Variants in CAPS2 observed in about 807,000 individuals in gnomAD.
CAPS2 encodes calcyphosine 2.
Under a neutral mutation model 86.5 loss-of-function variants are expected in CAPS2, and 98 were observed. That is an observed-to-expected ratio of 1.13 (90% CI 0.96 to 1.34). The LOEUF (loss-of-function observed/expected upper bound fraction) is 1.34. Among genes scored for constraint, CAPS2 ranks in the 40% most tolerant of loss-of-function variants. CAPS2 has a pLI of 0.00. For missense variants in CAPS2, 729 were observed against 686.8 expected, an observed-to-expected ratio of 1.06 and a Z score of -0.69; for synonymous variants, 210 against 225.1, an observed-to-expected ratio of 0.93 and a Z score of 0.60.
intron 8 of CAPS2, among the ~76,000 whole-genome samples, chr12:75,300,555 C>CAAAAAA (rs60853698): frequency 1.7e-4 from 14 of 83,022 alleles, no homozygotes; most frequent in East Asian, 3.6e-4. Flanking sequence ...GACTCCGTCT[C>CAAAAAA]AAAAAAAAAA....
chr12:75,316,512 A>T (rs1455696010), intron 5 of CAPS2, 78 bp from the exon 6 acceptor site: 1 of 1,249,772 alleles, frequency 8.0e-7, no homozygotes, highest in Non-Finnish European at 1.1e-6. Flanking sequence ...GGAATAGATA[A>T]CTACGGAATA....
intron 6 of CAPS2, 111 bp downstream of exon 6, chr12:75,316,201 C>A: frequency 1.5e-6 from 2 of 1,324,574 alleles, no homozygotes; most frequent in Admixed American, 2.4e-5. Flanking sequence ...TGAATATTCA[C>A]CCGAGTTCAA....
In CAPS2 at chr12:75,285,114, A is replaced by G. The variant is rs771608862; in HGVS notation, c.1396-34T>C. The G allele has an allele frequency of 6.4e-5, 102 of 1,595,946 alleles. 3 individuals carry two copies. The South Asian group carries it at 1.1e-3, about 18-fold the overall frequency. On this transcript the variant is annotated intron_variant, in intron 14 of 16. Transcript: ENST00000393284. ...AATCAGAGATAACTGTTGCATTTTT[A>G]AGTTACATATCGTCACAACAAAATC... is the stretch of plus-strand genomic sequence containing the variant.
At chr12:75,386,046 A>G (rs2045274228) in intron 1 of CAPS2, among the ~76,000 whole-genome samples, 1 of 152,226 alleles carries the variant, frequency 6.6e-6, no homozygotes. Flanking sequence ...TGTTCATAAT[A>G]GAATGAACAA....
chr12:75,290,924 AAAAAAAAAAAC>A (rs2035729397), intron 13 of CAPS2, among the ~76,000 whole-genome samples: 1 of 95,962 alleles, frequency 1.0e-5, no homozygotes, highest in African/African-American at 3.4e-5. Flanking sequence ...GCTCTCTCTC[AAAAAAAAAAAC>A]AAAAAAAAAA....
At chr12:75,278,967 A>G in exon 17 of CAPS2, 1 of 1,611,310 alleles carries the variant, frequency 6.2e-7, no homozygotes, top group South Asian at 1.1e-5. Context: ...CCTTCATAGT[A>G]ATCTTCAAAT....
At chr12:75,390,844 C>T in exon 1 of CAPS2, 1 of 649,286 alleles carries the variant, frequency 1.5e-6, no homozygotes, top group South Asian at 1.5e-5. Flanking sequence ...TCACGTAACA[C>T]AAGTCTTTCT....
At chr12:75,316,391 A>G in exon 6 of CAPS2, 1 of 1,551,052 alleles carries the variant, frequency 6.4e-7, no homozygotes, top group Non-Finnish European at 8.7e-7. Flanking sequence ...TTTCCTATCC[A>G]GAGTCGTAAG....
intron 1 of CAPS2, among the ~76,000 whole-genome samples, chr12:75,353,022 A>T (rs2042915525): frequency 6.6e-6 from 1 of 152,198 alleles, no homozygotes; most frequent in Admixed American, 6.5e-5. Flanking sequence ...TTATAGTGCT[A>T]AATGCTCACA....
In CAPS2 at chr12:75,343,001, C is replaced by A. The variant is rs1000472776; in HGVS notation, c.-394-19779G>T. Among the ~76,000 whole-genome samples, 14 of 151,724 alleles carry A rather than the reference C, an allele frequency of 9.2e-5. No individual in the cohort carries two copies. The South Asian group carries it at 2.5e-3, about 27-fold the overall frequency. ...TCCTTGTATCTTTCAACTTTGATAA[C>A]TTCATTTATTTTTATAGTATTGTTT... On this transcript the variant is annotated intron_variant, in intron 1 of 5. Transcript: ENST00000551829.
chr12:75,333,597 T>C (rs2041494912), upstream of CAPS2, among the ~76,000 whole-genome samples: 1 of 152,174 alleles, frequency 6.6e-6, no homozygotes, highest in South Asian at 2.1e-4. Context: ...TATTGCCCAG[T>C]AGAATTTCCA....
chr12:75,282,131 C>A (rs923553452), intron 16 of CAPS2, 120 bp downstream of exon 16: 3 of 666,848 alleles, frequency 4.5e-6, no homozygotes, highest in Non-Finnish European at 8.0e-6. Flanking sequence ...GTTTCCAGTT[C>A]AAAAAAATAG....
rs1414594604 is a variant in CAPS2 at position 75,325,225 on chromosome 12, G to GAAACGTAAT, written c.131+13_131+14insATTACGTTT. 3.2e-6 allele frequency: 5 copies of GAAACGTAAT among 1,547,584 alleles called. No homozygotes were observed. The East Asian group carries it at 1.2e-4, about 38-fold the overall frequency. On this transcript the variant is annotated intron_variant, in intron 2 of 16. Coordinates refer to ENST00000393284, the Ensembl canonical transcript of CAPS2. ...GCCCATTAAACAGTCCAAATGTGAA[G>GAAACGTAAT]AAACGTAACTTACACTGGTGGGCAA...
At chr12:75,276,344 C>T, downstream of CAPS2, 1 of 1,462,818 alleles carries the variant, frequency 6.8e-7, no homozygotes, top group Non-Finnish European at 9.0e-7. Context: ...CTGCAGTAAA[C>T]ATAGCCTAAT....
chr12:75,284,935 T>C (rs757338387), intron 15 of CAPS2, 26 bp downstream of exon 15: 2 of 1,568,794 alleles, frequency 1.3e-6, no homozygotes, highest in South Asian at 1.2e-5. Flanking sequence ...AAAATAACAA[T>C]TTGAAAGATT....
intron 1 of CAPS2, among the ~76,000 whole-genome samples, chr12:75,352,682 C>T (rs2042892035): frequency 6.6e-6 from 1 of 152,174 alleles, no homozygotes. Flanking sequence ...CTCTCCACCC[C>T]AAAACAACAG....
In CAPS2 at chr12:75,353,895, T is replaced by C. The variant is rs141714355; in HGVS notation, c.-394-30673A>G. On this transcript the variant is annotated intron_variant, in intron 1 of 5. Transcript: ENST00000551829. Reference sequence around the variant, plus strand: ...ATCAGAACTAAAGACAAAAACCATATGATTATCTCAATAGATGCCAAAAGG... The same window carrying C: ...ATCAGAACTAAAGACAAAAACCATACGATTATCTCAATAGATGCCAAAAGG... Among the ~76,000 whole-genome samples, 7 of 152,276 alleles carry C rather than the reference T, an allele frequency of 4.6e-5. No homozygotes were observed. The East Asian group carries it at 1.4e-3, about 29-fold the overall frequency.
intron 15 of CAPS2, among the ~76,000 whole-genome samples, chr12:75,283,977 G>A (rs2034437477): frequency 6.6e-6 from 1 of 152,096 alleles, no homozygotes; most frequent in Admixed American, 6.6e-5. Flanking sequence ...CCAGAGCTAT[G>A]AGACAATAAA....
chr12:75,376,966 G>A (rs1391831725), intron 1 of CAPS2, among the ~76,000 whole-genome samples: 1 of 151,968 alleles, frequency 6.6e-6, no homozygotes, highest in African/African-American at 2.4e-5. Flanking sequence ...TTTTGTCCAG[G>A]GAATTTAGAA....
Sources: gnomAD v4.1 joint callset for allele counts (sites outside exome capture counted in the v4.1 genomes callset) on GRCh38, gnomAD v4.1.1 for gene constraint, MANE v1.5 for transcripts, NCBI Gene and HGNC (gene_info 2026-07-23, HGNC 2026-07-21) for gene names.